The following PLIN4 variants were observed in gnomAD, a reference collection of about 807,000 sequenced individuals.
PLIN4 encodes perilipin-4.
Under a neutral mutation model 52.4 loss-of-function variants are expected in PLIN4, and 57 were observed. The ratio of observed to expected loss-of-function variants is 1.09; its 90% CI spans 0.88 to 1.36. The LOEUF is 1.36. PLIN4 is among the 40% of genes most tolerant of loss of function. PLIN4 has a pLI of 0.00. For synonymous variants in PLIN4, 826 were observed against 785.4 expected (o/e 1.05, Z -0.86); for missense variants, 1,757 against 1,770.3 (o/e 0.99, Z 0.13).
rs1976498523 is a variant in PLIN4 at position 4,513,518 on chromosome 19, C to A, written c.442G>T (p.Asp148Tyr). Residue 148 changes from aspartate to tyrosine, a missense_variant, in exon 5 of 8, where the codon GAC (aspartate) becomes TAC (tyrosine). Asp to Tyr is a radical substitution (Grantham distance 160, BLOSUM62 -3). Around this residue, in one of 7 missense-constraint regions of PLIN4, gnomAD observed 332 missense variants for 310.8 expected, o/e 1.07. Transcript: ENST00000301286. Reference sequence around the variant, plus strand: ...CCTTGGACGGCCCCCTTAGCCATGTCCATGGCCCCTGTGACCCCGCTGGAC... The same window carrying A: ...CCTTGGACGGCCCCCTTAGCCATGTACATGGCCCCTGTGACCCCGCTGGAC... ...VVSSGVTGAM[D>Y]MAKGAVQGGL... 6.2e-7 allele frequency: 1 copy of A among 1,610,712 alleles called. No individual in the cohort carries two copies. Among genetic ancestry groups the A allele is most frequent in the Non-Finnish European group, 8.5e-7 (1 of 1,178,316 alleles).
chr19:4,510,103 C>T (rs898349592), intron 5 of PLIN4, among the ~76,000 whole-genome samples: 3 of 151,972 alleles, frequency 2.0e-5, no homozygotes, highest in African/African-American at 7.3e-5. Context: ...CGTGGTGGCT[C>T]ACGCCTGCAA....
chr19:4,515,835 T>G (rs1976569213), intron 4 of PLIN4, among the ~76,000 whole-genome samples: 1 of 152,226 alleles, frequency 6.6e-6, no homozygotes, highest in African/African-American at 2.4e-5. Context: ...TTGGCTCAGG[T>G]GGGCACCTTG....
In PLIN4 at chr19:4,510,943, C is replaced by T. The variant is rs1976287837; in HGVS notation, c.3017G>A (p.Ser1006Asn). 3 of 1,586,400 alleles carry T rather than the reference C, an allele frequency of 1.9e-6. No homozygotes were observed. The highest frequency in any genetic ancestry group is 1.4e-5 in the African/African-American group (1 of 71,598). ...TVFSGVTGAM[S>N]MAKGAVQGGL... ...CCCCTGGACGGCCCCTTTGGCCATG[C>T]TCATGGCACCGGTAACCCCACTGAA... The change falls in exon 5 of 8, where the codon AGC becomes AAC. Residue 1006 changes from serine to asparagine, a missense_variant. By Grantham distance (46) the Ser-to-Asn change is conservative. Transcript: ENST00000301286.
intron 3 of PLIN4, among the ~76,000 whole-genome samples, chr19:4,517,002 G>A (rs992463185): frequency 2.0e-5 from 3 of 152,066 alleles, no homozygotes; most frequent in Admixed American, 6.5e-5. Flanking sequence ...AGCCCGCCCC[G>A]CCCCCACCGC....
Position 4,511,128 on chromosome 19 carries a change from C to G in PLIN4, c.2832G>C (p.Gly944=), listed in dbSNP as rs7255715. 898,431 of 1,613,314 alleles carry G rather than the reference C, an allele frequency of 0.56. 251,633 individuals carry two copies. The highest frequency in any genetic ancestry group is 0.68 in the East Asian group (30,530 of 44,850). Residue 944 remains glycine (G), a synonymous_variant, in exon 5 of 8, where the codon GGG becomes GGC. Transcript: ENST00000301286. ...GVTGAVNVAK[G]TVQTGVDTAK... ...CTGTGTCCACACCTGTCTGGACGGT[C>G]CCTTTGGCCACATTTACGGCACCAG...
Position 4,503,816 on chromosome 19 carries a change from C to CT in PLIN4, c.*642dup, listed in dbSNP as rs1443692319. 2 of 152,278 alleles carry CT rather than the reference C, an allele frequency of 1.3e-5. No individual in the cohort carries two copies. Among genetic ancestry groups the CT allele is most frequent in the Admixed American group, 6.5e-5 (1 of 15,290 alleles). The allele number at this position is 152,278 out of a possible 1,614,324, so 9.4% of individuals were successfully genotyped here. A position where few individuals can be genotyped will look rare whatever the true frequency, so the allele number is the denominator to read the frequency against. ...CTGTGGCTGCTGTGGCTCCTGGCAG[C>CT]TTTGTCCCCACCGTGAGGCCACCCC... is the stretch of plus-strand genomic sequence containing the variant. On this transcript the variant is annotated 3_prime_UTR_variant, in exon 8 of 8. Coordinates refer to ENST00000301286, the MANE Select transcript of PLIN4 (RefSeq NM_001367868.2).
Position 4,504,673 on chromosome 19 carries a change from G to A in PLIN4, c.3902C>T (p.Pro1301Leu). The change falls in exon 8 of 8, where the codon CCA becomes CTA. Residue 1301 changes from proline to leucine, a missense_variant. Around this residue, in one of 7 missense-constraint regions of PLIN4, gnomAD observed 712 missense variants for 637.1 expected, o/e 1.12. Transcript: ENST00000301286. ...GAGGCTGTGCCGCGCCCGCCCCACT[G>A]GCTGCTGGAGCTCGGCGGGCAGGCC... ...LQGLPAELQQ[P>L]VGRARHSLCE... 1 of 1,602,994 alleles carries A rather than the reference G, an allele frequency of 6.2e-7. No homozygotes were observed. The highest frequency in any genetic ancestry group is 8.5e-7 in the Non-Finnish European group (1 of 1,178,260).
chr19:4,511,133 T>G lies in PLIN4; in HGVS notation c.2827A>C (p.Lys943Gln). The part of the protein sequence containing the change: ...SGVTGAVNVA[K>Q]GTVQTGVDTA... ...TCCACACCTGTCTGGACGGTCCCTT[T>G]GGCCACATTTACGGCACCAGTGACT... Residue 943 changes from lysine (K) to glutamine (Q), a missense_variant, in exon 5 of 8, where the codon AAA becomes CAA. By Grantham distance (53) the Lys-to-Gln change is moderately conservative. Around this residue, in one of 7 missense-constraint regions of PLIN4, gnomAD observed 712 missense variants for 637.1 expected, o/e 1.12. Coordinates refer to ENST00000301286, the MANE Select transcript of PLIN4 (RefSeq NM_001367868.2). The G allele has an allele frequency of 1.2e-6, 2 of 1,610,930 alleles. No homozygotes were observed. Among genetic ancestry groups the G allele is most frequent in the Non-Finnish European group, 1.7e-6 (2 of 1,177,858 alleles).
At position 4,512,764 on chromosome 19, in the gene PLIN4, G is replaced by A. The variant is rs755546840; in HGVS notation, c.1196C>T (p.Thr399Met). ...LDTTKSMVMG[T>M]KDTMSTGLTG... Reference sequence around the variant, plus strand: ...GAGCCCAGTGGACATCGTGTCTTTCGTACCCATGACCATAGACTTGGTGGT... The same window carrying A: ...GAGCCCAGTGGACATCGTGTCTTTCATACCCATGACCATAGACTTGGTGGT... Residue 399 changes from threonine to methionine, a missense_variant, in exon 5 of 8, where the codon ACG (threonine) becomes ATG (methionine). Thr to Met is a moderately conservative substitution (Grantham distance 81). Coordinates refer to ENST00000301286, the MANE Select transcript of PLIN4 (RefSeq NM_001367868.2). The A allele has an allele frequency of 3.7e-5, 58 of 1,559,846 alleles. 9 individuals carry two copies. Among genetic ancestry groups the A allele is most frequent in the African/African-American group, 1.2e-4 (6 of 49,446 alleles).
chr19:4,513,227 C>T lies in PLIN4; in HGVS notation c.733G>A (p.Ala245Thr), dbSNP rs1976483081. ...ATGCTTCCTCTGGCCACATTCACTG[C>T]CCCTGTGAGCCCAGTGGACACAGCA... is the stretch of plus-strand genomic sequence containing the variant. ...KDAVSTGLTG[A>T]VNVARGSIQT... The change falls in exon 5 of 8, where the codon GCA becomes ACA. Residue 245 changes from alanine (A) to threonine (T), a missense_variant. Transcript: ENST00000301286. 8 of 1,613,812 alleles carry T rather than the reference C, an allele frequency of 5.0e-6. No homozygotes were observed. Among genetic ancestry groups the T allele is most frequent in the Middle Eastern group, 1.6e-4 (1 of 6,084 alleles).
chr19:4,505,791 G>A (rs1976074359), intron 6 of PLIN4, among the ~76,000 whole-genome samples: 1 of 152,048 alleles, frequency 6.6e-6, no homozygotes. Context: ...AGCTGCATAT[G>A]CAGACGCGTC....
At chr19:4,505,170 G>T (rs1393387475) in intron 6 of PLIN4, among the ~76,000 whole-genome samples, 1 of 152,184 alleles carries the variant, frequency 6.6e-6, no homozygotes, top group Non-Finnish European at 1.5e-5. Context: ...CACAGTGTCT[G>T]TGGGGTCGTG....
At chr19:4,508,603 C>T (rs1976171799) in intron 6 of PLIN4, among the ~76,000 whole-genome samples, 165 bp downstream of exon 6, 1 of 152,224 alleles carries the variant, frequency 6.6e-6, no homozygotes, top group African/African-American at 2.4e-5. Flanking sequence ...TAGCTCCGTC[C>T]CCCTTGCCAG....
chr19:4,508,058 CTT>C (rs1976149505), intron 6 of PLIN4, among the ~76,000 whole-genome samples: 1 of 152,188 alleles, frequency 6.6e-6, no homozygotes, highest in African/African-American at 2.4e-5. Context: ...CCTGGCTTCA[CTT>C]TACCCAGCCA....
chr19:4,512,753 T>G lies in PLIN4; in HGVS notation c.1207A>C (p.Met403Leu). 1 of 1,548,352 alleles carries G rather than the reference T, an allele frequency of 6.5e-7. No homozygotes were observed. The highest frequency in any genetic ancestry group is 8.7e-7 in the Non-Finnish European group (1 of 1,154,330). ...GCTGCCCCTGTGAGCCCAGTGGACA[T>G]CGTGTCTTTCGTACCCATGACCATA... ...KSMVMGTKDT[M>L]STGLTGAANV... Residue 403 changes from methionine (M) to leucine (L), a missense_variant, in exon 5 of 8, where the codon ATG becomes CTG. This residue lies in a region of PLIN4 where 439 missense variants were observed against 406.4 expected (regional missense o/e 1.08). Transcript: ENST00000301286.
chr19:4,510,602 C>T lies in PLIN4; in HGVS notation c.3358G>A (p.Val1120Met), dbSNP rs371009747. The change falls in exon 5 of 8, where the codon GTG becomes ATG. Residue 1120 changes from valine (V) to methionine (M), a missense_variant. By Grantham distance (21) the Val-to-Met change is conservative. This residue lies in a region of PLIN4 where 712 missense variants were observed against 637.1 expected (regional missense o/e 1.12). Coordinates refer to ENST00000301286, the MANE Select transcript of PLIN4 (RefSeq NM_001367868.2). ...AATTKGLATD[V>M]ATFTQGAAPG... ...GCGGCCCCTTGGGTGAACGTCGCCACGTCAGTCGCAAGGCCCTTGGTAGTG... is the reference window on the plus strand; with the variant it reads ...GCGGCCCCTTGGGTGAACGTCGCCATGTCAGTCGCAAGGCCCTTGGTAGTG... 3.9e-5 allele frequency: 59 copies of T among 1,503,738 alleles called. No individual in the cohort carries two copies. The African/African-American group carries it at 5.9e-4, about 15-fold the overall frequency. 93.1% of individuals were successfully genotyped at this position (1,503,738 alleles called of 1,614,324 possible). A position where few individuals can be genotyped will look rare whatever the true frequency, so the allele number is the denominator to read the frequency against.
chr19:4,502,312 G>A lies in PLIN4; in HGVS notation c.*2147C>T, dbSNP rs1240890955. The A allele has an allele frequency of 6.0e-5, 27 of 453,468 alleles. No individual in the cohort carries two copies. Among genetic ancestry groups the A allele is most frequent in the South Asian group, 5.4e-4 (27 of 49,618 alleles). The allele number at this position is 453,468 out of a possible 1,614,324, so 28.1% of individuals were successfully genotyped here. A position where few individuals can be genotyped will look rare whatever the true frequency, so the allele number is the denominator to read the frequency against. On this transcript the variant is annotated 3_prime_UTR_variant, in exon 8 of 8. Transcript: ENST00000301286. The stretch of plus-strand genomic sequence containing the variant: ...CTGGGCCCGTTTGGGACTGGGTTGA[G>A]CCATCAGGCCACCGTGAGAAGCGAC...
intron 5 of PLIN4, among the ~76,000 whole-genome samples, chr19:4,509,945 C>T (rs1976234610): frequency 6.6e-6 from 1 of 151,878 alleles, no homozygotes; most frequent in Non-Finnish European, 1.5e-5. Flanking sequence ...GGTGCTCTCA[C>T]GTGTAATCCC....
rs1976191737 is a variant in PLIN4, at chr19:4,509,012, A to G, written c.3515-57T>C. ...AAGCCCCTCAGGGCATCAGGGCTTT[A>G]TAAAAGTCAAGTGAGGGCCGGGCGC... On this transcript the variant is annotated intron_variant, in intron 5 of 7. Transcript: ENST00000301286. 1.8e-5 allele frequency: 28 copies of G among 1,523,508 alleles called. No individual in the cohort carries two copies. In the South Asian group the frequency reaches 3.5e-4, roughly 19 times the overall value. 94.4% of individuals were successfully genotyped at this position (1,523,508 alleles called of 1,614,324 possible).
Sources: allele counts gnomAD v4.1 joint callset (sites outside exome capture counted in the v4.1 genomes callset), GRCh38; gene constraint gnomAD v4.1.1; regional missense constraint gnomAD v4.1.1; transcripts MANE v1.5; gene names NCBI Gene and HGNC (gene_info 2026-07-23, HGNC 2026-07-21).